SLX4IP: variants seen among roughly 807,000 people sequenced by gnomAD.
The protein encoded by SLX4IP is SLX4 interacting protein.
Under a neutral mutation model 32.9 loss-of-function variants are expected in SLX4IP, and 34 were observed. That is an observed-to-expected ratio of 1.03 (90% CI 0.79 to 1.38). The LOEUF (loss-of-function observed/expected upper bound fraction) is 1.38, where lower values mean the gene tolerates loss of function less well. SLX4IP is among the 40% of genes most tolerant of loss of function. SLX4IP has a pLI of 0.00. For missense variants in SLX4IP, 444 were observed against 479.0 expected (o/e 0.93, Z 0.68); for synonymous variants, 172 against 171.7 (o/e 1.00, Z -0.01).
At chr20:10,493,421 A>AT (rs1267853145) in intron 2 of SLX4IP, among the ~76,000 whole-genome samples, 3 of 152,086 alleles carry the variant, frequency 2.0e-5, no homozygotes, top group Non-Finnish European at 2.9e-5. Context: ...ACAATTATTC[A>AT]TTTTTTAGAT....
At chr20:10,436,505 C>T in intron 1 of SLX4IP, among the ~76,000 whole-genome samples, 1 of 152,062 alleles carries the variant, frequency 6.6e-6, no homozygotes, top group East Asian at 1.9e-4. Flanking sequence ...TACAGGCGCG[C>T]GCCACCACCC....
At chr20:10,542,534 G>A (rs147875730) in intron 2 of SLX4IP, among the ~76,000 whole-genome samples, 174 of 152,250 alleles carry the variant, frequency 1.1e-3, no homozygotes, top group Middle Eastern at 0.01. Context: ...ATTTGGGTAC[G>A]TGATAGTTTG....
chr20:10,477,041 T>C (rs1280876134), intron 2 of SLX4IP, among the ~76,000 whole-genome samples: 2 of 152,234 alleles, frequency 1.3e-5, no homozygotes, highest in East Asian at 3.9e-4. Context: ...TTATTCGAAG[T>C]TTAAGAGGTC....
intron 2 of SLX4IP, among the ~76,000 whole-genome samples, chr20:10,507,579 G>T (rs1027710885): frequency 6.6e-6 from 1 of 152,016 alleles, no homozygotes; most frequent in African/African-American, 2.4e-5. Context: ...TGAGGGTTGG[G>T]ATTTGATCTG....
intron 2 of SLX4IP, among the ~76,000 whole-genome samples, chr20:10,469,735 C>T (rs1009184907): frequency 1.3e-5 from 2 of 152,224 alleles, no homozygotes; most frequent in East Asian, 3.9e-4. Context: ...AGTATCTTCC[C>T]GCTGTGATCT....
chr20:10,534,357 TA>T (rs1472914593), intron 2 of SLX4IP, among the ~76,000 whole-genome samples: 1 of 152,212 alleles, frequency 6.6e-6, no homozygotes, highest in African/African-American at 2.4e-5. Flanking sequence ...CATCAATAAC[TA>T]AATTGCAGAC....
At chr20:10,612,315 C>T (rs2066976021) in intron 6 of SLX4IP, among the ~76,000 whole-genome samples, 1 of 152,188 alleles carries the variant, frequency 6.6e-6, no homozygotes, top group African/African-American at 2.4e-5. Flanking sequence ...GAAGCTGGCC[C>T]TGGGACAAGC....
intron 1 of SLX4IP, among the ~76,000 whole-genome samples, chr20:10,438,472 G>GTTTTTTT (rs35297842): frequency 7.1e-5 from 7 of 98,876 alleles, no homozygotes; most frequent in Non-Finnish European, 1.2e-4. Flanking sequence ...AGGTGTGTGT[G>GTTTTTTT]TTTTTTTTTT....
chr20:10,597,825 C>G (rs1037508822), intron 4 of SLX4IP, among the ~76,000 whole-genome samples: 1 of 152,164 alleles, frequency 6.6e-6, no homozygotes, highest in African/African-American at 2.4e-5. Context: ...TATGAGAATT[C>G]CAGTTGTCCT....
chr20:10,622,950 G>T lies in SLX4IP; in HGVS notation c.798G>T (p.Gly266=). The T allele has an allele frequency of 1.9e-6, 3 of 1,614,136 alleles. No homozygotes were observed. Among genetic ancestry groups the T allele is most frequent in the East Asian group, 2.2e-5 (1 of 44,864 alleles). ...ATCCTGGGGAGCGGTTAAAGACAGGGCTTCTAAGCAGGAGCCCCGTCTGTA... is the reference window on the plus strand; with the variant it reads ...ATCCTGGGGAGCGGTTAAAGACAGGTCTTCTAAGCAGGAGCCCCGTCTGTA... ...KPHPGERLKT[G]LLSRSPVCSC... The change falls in exon 8 of 8, where the codon GGG becomes GGT. Residue 266 remains glycine, a synonymous_variant. Transcript: ENST00000334534.
chr20:10,502,938 C>A (rs888111818), intron 2 of SLX4IP, among the ~76,000 whole-genome samples: 1 of 152,140 alleles, frequency 6.6e-6, no homozygotes, highest in African/African-American at 2.4e-5. Flanking sequence ...GTTCTAGTAG[C>A]CCTTCACAAT....
At chr20:10,503,958 A>G (rs1156831019) in intron 2 of SLX4IP, among the ~76,000 whole-genome samples, 1 of 152,208 alleles carries the variant, frequency 6.6e-6, no homozygotes, top group Non-Finnish European at 1.5e-5. Flanking sequence ...AACTGCAAAG[A>G]CTATTTCCAA....
intron 2 of SLX4IP, among the ~76,000 whole-genome samples, chr20:10,519,291 A>G (rs988883277): frequency 1.3e-5 from 2 of 152,192 alleles, no homozygotes; most frequent in African/African-American, 4.8e-5. Context: ...TTGTGCAGCC[A>G]TTACTGTGAT....
chr20:10,464,371 T>G (rs2065363268), intron 2 of SLX4IP, among the ~76,000 whole-genome samples: 1 of 152,096 alleles, frequency 6.6e-6, no homozygotes, highest in African/African-American at 2.4e-5. Flanking sequence ...TGCATTAATA[T>G]AAAAATTAAG....
At chr20:10,447,923 T>C (rs1253258699) in intron 1 of SLX4IP, among the ~76,000 whole-genome samples, 1 of 150,562 alleles carries the variant, frequency 6.6e-6, no homozygotes, top group Non-Finnish European at 1.5e-5. Flanking sequence ...TAGGCTGGTC[T>C]CGAACTCCTG....
chr20:10,439,050 T>C (rs1183908967), intron 1 of SLX4IP, among the ~76,000 whole-genome samples: 2 of 151,940 alleles, frequency 1.3e-5, no homozygotes, highest in Non-Finnish European at 2.9e-5. Context: ...GGAGTTTTGA[T>C]AGTTTATTCC....
intron 6 of SLX4IP, among the ~76,000 whole-genome samples, chr20:10,610,101 A>G (rs2066949070): frequency 6.6e-6 from 1 of 152,208 alleles, no homozygotes; most frequent in South Asian, 2.1e-4. Flanking sequence ...AGATTTGAGC[A>G]TAGAGGCTAA....
At chr20:10,581,212 A>G (rs1197503624) in intron 4 of SLX4IP, among the ~76,000 whole-genome samples, 2 of 152,044 alleles carry the variant, frequency 1.3e-5, no homozygotes, top group African/African-American at 2.4e-5. Context: ...GGGGAAGACC[A>G]TGGGACAAGA....
At chr20:10,465,532 T>C (rs1163699174) in intron 2 of SLX4IP, among the ~76,000 whole-genome samples, 3 of 152,238 alleles carry the variant, frequency 2.0e-5, no homozygotes, top group Admixed American at 1.3e-4. Flanking sequence ...TGAGTCTCGC[T>C]TGTTGCTCTG....
Sources: gnomAD v4.1 joint callset for allele counts (sites outside exome capture counted in the v4.1 genomes callset) on GRCh38, gnomAD v4.1.1 for gene constraint, MANE v1.5 for transcripts, NCBI Gene and HGNC (gene_info 2026-07-23, HGNC 2026-07-21) for gene names.